PDE10A: variants seen among roughly 807,000 people sequenced by gnomAD.
PDE10A encodes cAMP and cAMP-inhibited cGMP 3',5'-cyclic phosphodiesterase 10A.
Under a neutral mutation model 97.7 loss-of-function variants are expected in PDE10A, and 39 were observed. That is an observed-to-expected ratio of 0.40 (90% CI 0.31 to 0.52). PDE10A has a LOEUF of 0.52. Ranked by LOEUF, PDE10A falls within the 20% of genes least tolerant of loss-of-function variation. The pLI, the probability that PDE10A is intolerant of heterozygous loss-of-function variation, is 0.56. For missense variants in PDE10A, 731 were observed against 1,047.8 expected (o/e 0.70, Z 4.17); for synonymous variants, 371 against 376.8 (o/e 0.98, Z 0.18).
chr6:165,858,990 C>T (rs1780825598), intron 1 of PDE10A, among the ~76,000 whole-genome samples: 3 of 152,314 alleles, frequency 2.0e-5, no homozygotes, highest in Non-Finnish European at 2.9e-5. Context: ...GTTCATTGTT[C>T]AAGGTAGTTC....
At chr6:165,643,898 T>G (rs1273305136) in intron 1 of PDE10A, among the ~76,000 whole-genome samples, 1 of 152,240 alleles carries the variant, frequency 6.6e-6, no homozygotes, top group East Asian at 1.9e-4. Context: ...TTAATTCACC[T>G]GATTTAATCA....
chr6:165,473,510 G>T (rs997705161), intron 3 of PDE10A, among the ~76,000 whole-genome samples: 7 of 152,110 alleles, frequency 4.6e-5, no homozygotes, highest in Admixed American at 1.3e-4. Context: ...AAGACATTTT[G>T]ATATACAGAA....
intron 2 of PDE10A, among the ~76,000 whole-genome samples, chr6:165,526,596 C>G (rs913032667): frequency 6.6e-6 from 1 of 152,178 alleles, no homozygotes; most frequent in East Asian, 1.9e-4. Flanking sequence ...ACCACATCCC[C>G]GTTCAACTCT....
intron 1 of PDE10A, among the ~76,000 whole-genome samples, chr6:165,588,387 T>C (rs886452368): frequency 1.4e-5 from 2 of 146,116 alleles, no homozygotes; most frequent in Non-Finnish European, 3.0e-5. Flanking sequence ...ACCTCCTAGG[T>C]TCAAGCAATT....
chr6:165,929,718 G>A (rs146341174), intron 1 of PDE10A, among the ~76,000 whole-genome samples: 457 of 152,312 alleles, frequency 3.0e-3, no homozygotes, highest in African/African-American at 0.011. Flanking sequence ...CCCCATGACC[G>A]CGTCCCCACA....
At chr6:165,542,974 T>C (rs1254828734) in intron 2 of PDE10A, among the ~76,000 whole-genome samples, 2 of 152,154 alleles carry the variant, frequency 1.3e-5, no homozygotes, top group African/African-American at 4.8e-5. Flanking sequence ...AGAGTCTGAG[T>C]GTGAATGAAA....
At chr6:165,652,005 A>G (rs1583718476) in intron 1 of PDE10A, among the ~76,000 whole-genome samples, 1 of 152,094 alleles carries the variant, frequency 6.6e-6, no homozygotes, top group Admixed American at 6.5e-5. Flanking sequence ...TAATTTGTCT[A>G]CCTATCCACA....
intron 1 of PDE10A, among the ~76,000 whole-genome samples, chr6:165,725,429 GC>G (rs1792268621): frequency 6.6e-6 from 1 of 152,200 alleles, no homozygotes; most frequent in African/African-American, 2.4e-5. Flanking sequence ...CCCACAAGCT[GC>G]CCGTCTGCAT....
chr6:165,691,106 T>TCTCTCTCC lies in PDE10A; in HGVS notation c.-614-147539_-614-147538insGGAGAGAG, dbSNP rs143783728. 4.2e-3 allele frequency among the ~76,000 whole-genome samples: 164 copies of TCTCTCTCC among 39,120 alleles called. 29 individuals carry two copies. The highest frequency in any genetic ancestry group is 5.8e-3 in the Non-Finnish European group (127 of 22,042). The allele number at this position is 39,120 out of a possible 152,430, so 25.7% of individuals were successfully genotyped here. ...CTCTCTCTCTCTCTCTCTTTCTCTC[T>TCTCTCTCC]CCCCCCCCCCATCAGTGCCTGTGGT... is the stretch of plus-strand genomic sequence containing the variant. On this transcript the variant is annotated intron_variant, in intron 1 of 19. Transcript: ENST00000366882.
chr6:165,602,159 A>G (rs1351973671), intron 1 of PDE10A, among the ~76,000 whole-genome samples: 1 of 152,158 alleles, frequency 6.6e-6, no homozygotes, highest in Admixed American at 6.5e-5. Context: ...TGAGGCCACA[A>G]ATCAATCAAG....
At chr6:165,383,118 TATG>T (rs1340037193) in intron 17 of PDE10A, among the ~76,000 whole-genome samples, 2 of 152,146 alleles carry the variant, frequency 1.3e-5, no homozygotes, top group Non-Finnish European at 2.9e-5. Context: ...CTTTCTGAAA[TATG>T]ATCACATTTC....
Position 165,986,513 on chromosome 6 carries a change from G to GTCTCTCTCTCTCTC in PDE10A, c.-615+1002_-615+1015dup, listed in dbSNP as rs55892857. 246 of 146,140 alleles carry GTCTCTCTCTCTCTC rather than the reference G, an allele frequency of 1.7e-3. 1 individual carries two copies. Among genetic ancestry groups the GTCTCTCTCTCTCTC allele is most frequent in the African/African-American group, 5.5e-3 (217 of 39,246 alleles). 9.1% of individuals were successfully genotyped at this position (146,140 alleles called of 1,614,324 possible). A position where few individuals can be genotyped will look rare whatever the true frequency, so the allele number is the denominator to read the frequency against. On this transcript the variant is annotated intron_variant, in intron 1 of 19. Transcript: ENST00000366882. The stretch of plus-strand genomic sequence containing the variant: ...GCTGGTGTTGCGCCTCTCTCTCTCT[G>GTCTCTCTCTCTCTC]TCTCTCTCTCTCTCTCTCTCTCTCT...
intron 1 of PDE10A, among the ~76,000 whole-genome samples, chr6:165,637,581 G>A (rs1449483756): frequency 6.6e-6 from 1 of 152,186 alleles, no homozygotes; most frequent in African/African-American, 2.4e-5. Flanking sequence ...TGTGTGTCGG[G>A]CAGCATAACA....
chr6:165,755,901 G>A (rs116089626), intron 1 of PDE10A, among the ~76,000 whole-genome samples: 2,397 of 152,212 alleles, frequency 0.016, 56 homozygotes, highest in African/African-American at 0.054. Flanking sequence ...ATATTTCCCT[G>A]CAATTCTCCC....
intron 1 of PDE10A, among the ~76,000 whole-genome samples, chr6:165,554,314 G>A (rs1178589239): frequency 6.6e-6 from 1 of 151,574 alleles, no homozygotes; most frequent in African/African-American, 2.4e-5. Context: ...CAACTCTACA[G>A]GAAAAAAACC....
chr6:165,959,963 G>T (rs1041367958), intron 1 of PDE10A, among the ~76,000 whole-genome samples: 1 of 152,254 alleles, frequency 6.6e-6, no homozygotes, highest in South Asian at 2.1e-4. Flanking sequence ...TCTACAGTTA[G>T]CTGCACCAGC....
intron 1 of PDE10A, among the ~76,000 whole-genome samples, chr6:165,873,621 T>C (rs979799775): frequency 6.6e-6 from 1 of 152,232 alleles, no homozygotes; most frequent in Non-Finnish European, 1.5e-5. Flanking sequence ...AAAAAACTTA[T>C]TTGGGTTTAA....
At chr6:165,750,636 T>C (rs566361876) in intron 1 of PDE10A, among the ~76,000 whole-genome samples, 144 of 152,362 alleles carry the variant, frequency 9.5e-4, no homozygotes, top group African/African-American at 3.1e-3. Context: ...AAGCACAGCC[T>C]GCACATTTTC....
chr6:165,598,128 C>A (rs923660802), intron 1 of PDE10A, among the ~76,000 whole-genome samples: 5 of 152,170 alleles, frequency 3.3e-5, no homozygotes, highest in South Asian at 2.1e-4. Context: ...GGGAAAAAAA[C>A]CCCAAACCTG....
Sources: gnomAD v4.1 joint callset for allele counts (sites outside exome capture counted in the v4.1 genomes callset) on GRCh38, gnomAD v4.1.1 for gene constraint, MANE v1.5 for transcripts, NCBI Gene and HGNC (gene_info 2026-07-23, HGNC 2026-07-21) for gene names.